ZRANB3: variants seen among roughly 807,000 people sequenced by gnomAD.
The protein encoded by ZRANB3 is DNA annealing helicase and endonuclease ZRANB3.
ZRANB3 carries 125 observed loss-of-function variants against 133.8 expected under a neutral mutation model. The ratio of observed to expected loss-of-function variants is 0.93; its 90% CI spans 0.81 to 1.08. The LOEUF is 1.08. Among genes scored for constraint, ZRANB3 ranks in the 50% least tolerant of loss-of-function variants. The pLI is 0.00. For synonymous variants in ZRANB3, 387 were observed against 432.7 expected, an observed-to-expected ratio of 0.89 and a Z score of 1.31; for missense variants, 1,229 against 1,275.5, an observed-to-expected ratio of 0.96 and a Z score of 0.56.
chr2:135,471,097 G>T (rs1039154871), intron 2 of ZRANB3, among the ~76,000 whole-genome samples: 1 of 143,256 alleles, frequency 7.0e-6, no homozygotes, highest in Non-Finnish European at 1.5e-5. Flanking sequence ...CACTGCACCC[G>T]GCCTCACTTT....
intron 1 of ZRANB3, among the ~76,000 whole-genome samples, chr2:135,512,541 A>C (rs191653960): frequency 2.0e-5 from 3 of 151,938 alleles, no homozygotes; most frequent in Admixed American, 2.0e-4. Flanking sequence ...AAATGAAAAG[A>C]TTCCTATATT....
At chr2:135,324,564 C>T (rs1683707648) in intron 6 of ZRANB3, among the ~76,000 whole-genome samples, 1 of 152,160 alleles carries the variant, frequency 6.6e-6, no homozygotes, top group Non-Finnish European at 1.5e-5. Flanking sequence ...GTCTTTATAG[C>T]AGCATTATTT....
chr2:135,313,014 C>T (rs1301716226), intron 8 of ZRANB3, among the ~76,000 whole-genome samples: 3 of 144,622 alleles, frequency 2.1e-5, no homozygotes, highest in Middle Eastern at 3.6e-3. Context: ...AGTAAGATTC[C>T]GTCTTTAAAA....
intron 2 of ZRANB3, among the ~76,000 whole-genome samples, chr2:135,405,282 T>C (rs547435932): frequency 7.8e-4 from 119 of 152,302 alleles, no homozygotes; most frequent in African/African-American, 2.7e-3. Flanking sequence ...ATCCTAAATA[T>C]ACATGCACCC....
At chr2:135,442,882 C>T (rs1043184234) in intron 2 of ZRANB3, among the ~76,000 whole-genome samples, 5 of 151,942 alleles carry the variant, frequency 3.3e-5, no homozygotes, top group African/African-American at 7.2e-5. Context: ...TTTGGGAGGC[C>T]GAGGTGGGTG....
chr2:135,464,718 A>G (rs1000728402), intron 2 of ZRANB3, among the ~76,000 whole-genome samples: 2 of 152,200 alleles, frequency 1.3e-5, no homozygotes, highest in Admixed American at 6.5e-5. Flanking sequence ...TAAGATCTAC[A>G]ATAGGAAAGG....
In ZRANB3 at chr2:135,530,127, TGA is replaced by T. The variant is rs1288422709; in HGVS notation, c.-8+998_-8+999del. Among the ~76,000 whole-genome samples the T allele has an allele frequency of 6.7e-5, 10 of 148,728 alleles. No homozygotes were observed. In the East Asian group the frequency reaches 2.0e-3, roughly 30 times the overall value. ...CTGTAATCCCAGCTACTCCGGAGGC[TGA>T]GACAGGAGAATGGCGTGAATCAGTG... On this transcript the variant is annotated intron_variant, in intron 1 of 20. Coordinates refer to ENST00000264159, the MANE Select transcript of ZRANB3 (RefSeq NM_032143.4).
intron 2 of ZRANB3, among the ~76,000 whole-genome samples, chr2:135,455,695 C>T (rs1277596098): frequency 1.3e-5 from 2 of 150,936 alleles, no homozygotes; most frequent in African/African-American, 4.9e-5. Context: ...AGGTTCACAC[C>T]ATTCTCCTGC....
chr2:135,493,247 A>T (rs1200613051), intron 2 of ZRANB3, among the ~76,000 whole-genome samples: 1 of 146,718 alleles, frequency 6.8e-6, no homozygotes, highest in Non-Finnish European at 1.5e-5. Context: ...GTAGGAAATG[A>T]CTTGTTCAAA....
chr2:135,475,289 T>C (rs1691456576), intron 2 of ZRANB3, among the ~76,000 whole-genome samples: 1 of 152,210 alleles, frequency 6.6e-6, no homozygotes. Context: ...TGGGGTCCCA[T>C]TTATGTCTTC....
At chr2:135,406,519 A>G (rs1688041491) in intron 2 of ZRANB3, among the ~76,000 whole-genome samples, 1 of 152,226 alleles carries the variant, frequency 6.6e-6, no homozygotes, top group Non-Finnish European at 1.5e-5. Context: ...ACAAAACAAA[A>G]AAAGAGAATT....
intron 2 of ZRANB3, among the ~76,000 whole-genome samples, chr2:135,405,330 G>A (rs1244936748): frequency 1.3e-5 from 2 of 152,166 alleles, no homozygotes; most frequent in East Asian, 3.9e-4. Context: ...CAAGTCATGA[G>A]TGACATACAA....
chr2:135,236,478 C>A (rs1695289704), intron 12 of ZRANB3, among the ~76,000 whole-genome samples: 1 of 152,060 alleles, frequency 6.6e-6, no homozygotes, highest in Non-Finnish European at 1.5e-5. Flanking sequence ...CCCACATTGC[C>A]AAGTCAATCC....
rs111358535 is a variant in ZRANB3, at chr2:135,197,530, C to T, written c.*2812G>A. 1.4e-3 allele frequency: 207 copies of T among 152,364 alleles called. 3 individuals are homozygous for T. The highest frequency in any genetic ancestry group is 4.8e-3 in the African/African-American group (200 of 41,580). The allele number at this position is 152,364 out of a possible 1,614,324, so 9.4% of individuals were successfully genotyped here. A position where few individuals can be genotyped will look rare whatever the true frequency, so the allele number is the denominator to read the frequency against. Reference sequence around the variant, plus strand: ...GAAATGTACGTTGGGCTGTAATTAACGCCAAGAGTGGGCGTCTTTAAAAAT... The same window carrying T: ...GAAATGTACGTTGGGCTGTAATTAATGCCAAGAGTGGGCGTCTTTAAAAAT... On this transcript the variant is annotated 3_prime_UTR_variant, in exon 21 of 21. Transcript: ENST00000264159.
At chr2:135,364,430 A>G (rs1685833752) in intron 3 of ZRANB3, among the ~76,000 whole-genome samples, 1 of 152,210 alleles carries the variant, frequency 6.6e-6, no homozygotes, top group South Asian at 2.1e-4. Flanking sequence ...CCTGCTATAT[A>G]GTATGTAGAA....
At chr2:135,446,811 C>T (rs532776772) in intron 2 of ZRANB3, among the ~76,000 whole-genome samples, 18 of 152,256 alleles carry the variant, frequency 1.2e-4, no homozygotes, top group African/African-American at 4.1e-4. Flanking sequence ...AGTGTTTTGA[C>T]TAATTGTTGG....
intron 1 of ZRANB3, among the ~76,000 whole-genome samples, chr2:135,523,870 T>C (rs915943652): frequency 1.3e-5 from 2 of 152,142 alleles, no homozygotes; most frequent in African/African-American, 4.8e-5. Context: ...GGGGTGAAGA[T>C]TGTGGGCCAT....
chr2:135,314,343 C>T (rs949808881), intron 7 of ZRANB3, among the ~76,000 whole-genome samples: 1 of 151,924 alleles, frequency 6.6e-6, no homozygotes, highest in African/African-American at 2.4e-5. Flanking sequence ...TATGTTGATT[C>T]CATTTTATTT....
intron 2 of ZRANB3, among the ~76,000 whole-genome samples, chr2:135,454,828 C>CA (rs1299159034): frequency 6.6e-6 from 1 of 152,112 alleles, no homozygotes. Flanking sequence ...TTACTTTATC[C>CA]ACTCATTGGC....
Sources: gnomAD v4.1 joint callset for allele counts (sites outside exome capture counted in the v4.1 genomes callset) on GRCh38, gnomAD v4.1.1 for gene constraint, MANE v1.5 for transcripts, NCBI Gene and HGNC (gene_info 2026-07-23, HGNC 2026-07-21) for gene names.